Variants in H2AZ2 observed in about 807,000 individuals in gnomAD.
The protein encoded by H2AZ2 is H2A.Z variant histone 2.
H2AZ2 carries 5 observed loss-of-function variants against 15.5 expected under a neutral mutation model. That is an observed-to-expected ratio of 0.32 (90% CI 0.17 to 0.68). H2AZ2 has a LOEUF of 0.68. Ranked by LOEUF, H2AZ2 falls within the 30% of genes least tolerant of loss-of-function variation. The pLI, the probability that H2AZ2 is intolerant of heterozygous loss-of-function variation, is 0.72. For missense variants in H2AZ2, 42 were observed against 162.5 expected, an observed-to-expected ratio of 0.26 and a Z score of 4.03; for synonymous variants, 44 against 57.4, an observed-to-expected ratio of 0.77 and a Z score of 1.05.
chr7:44,842,270 C>T (rs1163354048), intron 2 of H2AZ2, among the ~76,000 whole-genome samples: 1 of 152,156 alleles, frequency 6.6e-6, no homozygotes, highest in Non-Finnish European at 1.5e-5. Flanking sequence ...CACCAACGTC[C>T]CTGTGCTCCT....
chr7:44,846,282 A>G (rs1220559727), intron 1 of H2AZ2, among the ~76,000 whole-genome samples: 1 of 152,206 alleles, frequency 6.6e-6, no homozygotes, highest in Non-Finnish European at 1.5e-5. Context: ...GTAAGTGGAT[A>G]TAAAACATAT....
chr7:44,848,072 C>T lies in H2AZ2; in HGVS notation c.-101G>A. 1 of 645,034 alleles carries T rather than the reference C, an allele frequency of 1.6e-6. No homozygotes were observed. Among genetic ancestry groups the T allele is most frequent in the Non-Finnish European group, 2.2e-6 (1 of 457,702 alleles). The allele number at this position is 645,034 out of a possible 1,614,324, so 40.0% of individuals were successfully genotyped here. A position where few individuals can be genotyped will look rare whatever the true frequency, so the allele number is the denominator to read the frequency against. ...GCAGCACCGACCGCCGCCGCCGGAG[C>T]CGGACAATACCCCGTGCCCGCCTCG... On this transcript the variant is annotated 5_prime_UTR_variant, in exon 1 of 5. Transcript: ENST00000308153.
At chr7:44,845,330 G>A (rs1793371130) in intron 1 of H2AZ2, among the ~76,000 whole-genome samples, 1 of 152,142 alleles carries the variant, frequency 6.6e-6, no homozygotes, top group Admixed American at 6.5e-5. Flanking sequence ...AGTAAGAACT[G>A]AGACGCTCTC....
intron 1 of H2AZ2, among the ~76,000 whole-genome samples, chr7:44,846,197 A>T (rs924714927): frequency 1.3e-5 from 2 of 152,202 alleles, no homozygotes; most frequent in African/African-American, 4.8e-5. Flanking sequence ...TCAGGTTTAA[A>T]ATCTATCAAG....
rs1255320618 is a variant in H2AZ2 at position 44,841,017 on chromosome 7, A to G, written c.82-5T>C. 3 of 1,608,154 alleles carry G rather than the reference A, an allele frequency of 1.9e-6. No individual in the cohort carries two copies. The African/African-American group carries it at 4.0e-5, about 21-fold the overall frequency. On this transcript the variant is annotated splice_polypyrimidine_tract_variant and splice_region_variant and intron_variant, in intron 2 of 4. Coordinates refer to ENST00000308153, the MANE Select transcript of H2AZ2 (RefSeq NM_012412.5). ...GTGGATGCGGCCCACAGGAAACTAA[A>G]AGAGAGATGTCTTAGTGGGAAGCAC...
downstream of H2AZ2, chr7:44,830,182 A>G (rs759878892): frequency 6.2e-7 from 1 of 1,612,442 alleles, no homozygotes; most frequent in Non-Finnish European, 8.5e-7. Context: ...AAATAACAGG[A>G]CAAATAGAGA....
chr7:44,841,677 T>C (rs1793279212), intron 2 of H2AZ2, among the ~76,000 whole-genome samples: 1 of 152,192 alleles, frequency 6.6e-6, no homozygotes, highest in Admixed American at 6.5e-5. Flanking sequence ...CTGGCTGTTT[T>C]GTATTTTTAG....
downstream of H2AZ2, chr7:44,827,402 C>G (rs911356661): frequency 2.0e-5 from 3 of 152,138 alleles, no homozygotes; most frequent in Admixed American, 1.3e-4. Flanking sequence ...ATAAAGGACT[C>G]CTCGTGAAGA....
At chr7:44,847,655 C>A (rs3886517) in intron 1 of H2AZ2, among the ~76,000 whole-genome samples, 1 of 152,198 alleles carries the variant, frequency 6.6e-6, no homozygotes, top group Non-Finnish European at 1.5e-5. Context: ...GCACTTGTTT[C>A]TACATTTCCA....
downstream of H2AZ2, chr7:44,830,056 G>T: frequency 7.8e-7 from 1 of 1,288,118 alleles, no homozygotes; most frequent in Non-Finnish European, 1.1e-6. Flanking sequence ...GCAGTTCCTT[G>T]GTTCAGCTCA....
At chr7:44,836,257 CCAGT>C (rs1793120104) in intron 3 of H2AZ2, among the ~76,000 whole-genome samples, 1 of 152,084 alleles carries the variant, frequency 6.6e-6, no homozygotes. Context: ...GCCACCACGC[CCAGT>C]CAAAGTCATA....
chr7:44,841,748 C>A (rs1191559571), intron 2 of H2AZ2, among the ~76,000 whole-genome samples: 1 of 152,192 alleles, frequency 6.6e-6, no homozygotes, highest in East Asian at 1.9e-4. Context: ...GGATTACAGG[C>A]ATGAGCCACT....
At position 44,833,695 on chromosome 7, in the gene H2AZ2, G is replaced by A; in HGVS notation, c.*806C>T. 9.1e-6 allele frequency: 9 copies of A among 985,298 alleles called. No individual in the cohort carries two copies. The highest frequency in any genetic ancestry group is 1.1e-5 in the Non-Finnish European group (9 of 829,814). The allele number at this position is 985,298 out of a possible 1,614,324, so 61.0% of individuals were successfully genotyped here. ...CAAAAGGAGAAACCTTTGATAAACT[G>A]AACATCAATTCCAGGTAAAACTAGG... On this transcript the variant is annotated 3_prime_UTR_variant, in exon 5 of 5. Transcript: ENST00000308153.
intron 4 of H2AZ2, 136 bp downstream of exon 4, chr7:44,835,393 G>C: frequency 1.7e-6 from 1 of 600,748 alleles, no homozygotes; most frequent in African/African-American, 1.9e-5. Flanking sequence ...GCTTAGAATT[G>C]TTATAGATTT....
chr7:44,836,609 C>G (rs1251998401), intron 3 of H2AZ2, among the ~76,000 whole-genome samples: 1 of 152,040 alleles, frequency 6.6e-6, no homozygotes, highest in Non-Finnish European at 1.5e-5. Context: ...CCACCACCTC[C>G]CGGGTTCAAA....
At chr7:44,836,443 T>G (rs947418740) in intron 3 of H2AZ2, among the ~76,000 whole-genome samples, 7 of 152,280 alleles carry the variant, frequency 4.6e-5, no homozygotes, top group Admixed American at 3.3e-4. Context: ...TCAAGTGATC[T>G]TCCTACTTCA....
At chr7:44,840,468 T>A (rs1793247970) in intron 3 of H2AZ2, among the ~76,000 whole-genome samples, 1 of 152,100 alleles carries the variant, frequency 6.6e-6, no homozygotes, top group Non-Finnish European at 1.5e-5. Context: ...CATCTCAAAC[T>A]GCTATTAAAG....
chr7:44,837,751 C>T (rs1793164354), intron 3 of H2AZ2, among the ~76,000 whole-genome samples: 1 of 150,456 alleles, frequency 6.6e-6, no homozygotes, highest in Admixed American at 6.7e-5. Context: ...CATTGACCTC[C>T]CAAAGTGCTG....
chr7:44,839,323 A>G (rs1489144320), intron 3 of H2AZ2, among the ~76,000 whole-genome samples: 1 of 152,102 alleles, frequency 6.6e-6, no homozygotes, highest in Non-Finnish European at 1.5e-5. Context: ...TGGGAGGACC[A>G]CTTGAGGCTA....
Sources: gnomAD v4.1 joint callset for allele counts (sites outside exome capture counted in the v4.1 genomes callset) on GRCh38, gnomAD v4.1.1 for gene constraint, MANE v1.5 for transcripts, NCBI Gene and HGNC (gene_info 2026-07-23, HGNC 2026-07-21) for gene names.